ELAPOR2: variants seen among roughly 807,000 people sequenced by gnomAD.
The protein encoded by ELAPOR2 is endosome-lysosome associated apoptosis and autophagy regulator family member 2.
Under a neutral mutation model 120.7 loss-of-function variants are expected in ELAPOR2, and 89 were observed. The ratio of observed to expected loss-of-function variants is 0.74; its 90% CI spans 0.62 to 0.88. The LOEUF is 0.88. ELAPOR2 is among the 40% of genes least tolerant of loss of function. The pLI, the probability that ELAPOR2 is intolerant of heterozygous loss-of-function variation, is 0.00. For synonymous variants in ELAPOR2, 444 were observed against 444.9 expected, an observed-to-expected ratio of 1.00 and a Z score of 0.03; for missense variants, 1,134 against 1,251.6, an observed-to-expected ratio of 0.91 and a Z score of 1.42.
chr7:86,899,982 A>G (rs1009925450), intron 18 of ELAPOR2, among the ~76,000 whole-genome samples: 4 of 152,080 alleles, frequency 2.6e-5, no homozygotes, highest in Non-Finnish European at 4.4e-5. Context: ...AGATTAGTAA[A>G]AAGCAACTCA....
chr7:86,923,275 G>A (rs1789908235), intron 10 of ELAPOR2, among the ~76,000 whole-genome samples: 1 of 151,840 alleles, frequency 6.6e-6, no homozygotes, highest in South Asian at 2.1e-4. Context: ...GCTCAAAATA[G>A]CTAGAAGAAT....
At chr7:86,963,283 A>G (rs1791785554) in intron 2 of ELAPOR2, among the ~76,000 whole-genome samples, 1 of 152,210 alleles carries the variant, frequency 6.6e-6, no homozygotes, top group African/African-American at 2.4e-5. Context: ...GTATATAATG[A>G]GCAAAAATGT....
At chr7:86,979,934 A>G (rs913743019) in intron 1 of ELAPOR2, among the ~76,000 whole-genome samples, 2 of 152,222 alleles carry the variant, frequency 1.3e-5, no homozygotes, top group Admixed American at 1.3e-4. Flanking sequence ...CTAGAGACAG[A>G]AACTAAAAAT....
In ELAPOR2 at chr7:86,893,073, T is replaced by A. The variant is rs2115849952; in HGVS notation, c.2713A>T (p.Lys905Ter). The change falls in exon 20 of 22, where the codon AAA becomes TAA. Residue 905 changes from lysine (K) to a stop codon, truncating the protein, a stop_gained. Transcript: ENST00000450689. LOFTEE classifies it high-confidence loss of function. ...QETLYVWNEP[K>*]WCIKGISLPE... ...AAAGAAATTCCTTTAATGCACCATTTAGGTTCATTCCACACATACAAGGTT... is the reference window on the plus strand; with the variant it reads ...AAAGAAATTCCTTTAATGCACCATTAAGGTTCATTCCACACATACAAGGTT... 6.4e-7 allele frequency: 1 copy of A among 1,562,130 alleles called. No individual in the cohort carries two copies. The highest frequency in any genetic ancestry group is 2.4e-5 in the East Asian group (1 of 40,848).
At chr7:86,930,954 G>T (rs541851443) in intron 8 of ELAPOR2, among the ~76,000 whole-genome samples, 2 of 152,018 alleles carry the variant, frequency 1.3e-5, no homozygotes, top group South Asian at 2.1e-4. Flanking sequence ...TAGGCAAACT[G>T]CTCTGAAAAA....
chr7:87,052,776 C>CTTTTGTTTTGTTTTGTTTTGTTTTG (rs77194595), intron 1 of ELAPOR2, among the ~76,000 whole-genome samples: 7 of 146,994 alleles, frequency 4.8e-5, no homozygotes, highest in African/African-American at 1.6e-4. Context: ...GGTTTGTTTT[C>CTTTTGTTTTGTTTTGTTTTGTTTTG]TTTTGTTTTG....
intron 1 of ELAPOR2, among the ~76,000 whole-genome samples, chr7:86,989,678 G>A (rs1009918015): frequency 2.6e-5 from 4 of 152,130 alleles, no homozygotes; most frequent in Non-Finnish European, 5.9e-5. Flanking sequence ...CTGCGGCTGC[G>A]TCTTCGCCTC....
At chr7:86,917,291 T>A (rs1789612250) in intron 12 of ELAPOR2, among the ~76,000 whole-genome samples, 1 of 152,012 alleles carries the variant, frequency 6.6e-6, no homozygotes, top group Admixed American at 6.6e-5. Flanking sequence ...GTATGGGGCA[T>A]GCCTGTAAAT....
chr7:86,981,420 T>A (rs1228532988), intron 1 of ELAPOR2, among the ~76,000 whole-genome samples: 4 of 152,186 alleles, frequency 2.6e-5, no homozygotes, highest in Non-Finnish European at 5.9e-5. Flanking sequence ...CCCTCATGAA[T>A]CCACTAAACT....
chr7:86,970,711 G>T (rs1179987073), intron 1 of ELAPOR2, among the ~76,000 whole-genome samples: 1 of 152,088 alleles, frequency 6.6e-6, no homozygotes, highest in Non-Finnish European at 1.5e-5. Context: ...GAACTGTGCA[G>T]CAATATTTAT....
chr7:87,056,921 T>C (rs1795281570), intron 1 of ELAPOR2, among the ~76,000 whole-genome samples: 1 of 152,232 alleles, frequency 6.6e-6, no homozygotes, highest in African/African-American at 2.4e-5. Flanking sequence ...AGGTTCAAAA[T>C]GGCCTATAGC....
At chr7:86,969,049 T>G (rs1362334079) in intron 1 of ELAPOR2, among the ~76,000 whole-genome samples, 1 of 152,098 alleles carries the variant, frequency 6.6e-6, no homozygotes, top group African/African-American at 2.4e-5. Context: ...TCACAAAACA[T>G]GTAAGGAAAA....
intron 18 of ELAPOR2, among the ~76,000 whole-genome samples, chr7:86,905,122 G>GGAAT (rs1491409441): frequency 8.7e-6 from 1 of 115,300 alleles, no homozygotes; most frequent in Non-Finnish European, 1.8e-5. Flanking sequence ...AAGGAAGGAA[G>GGAAT]GAAGGAAAGA....
intron 1 of ELAPOR2, among the ~76,000 whole-genome samples, chr7:87,033,343 A>C (rs6953148): frequency 0.33 from 50,961 of 152,130 alleles, 9,080 homozygotes; most frequent in African/African-American, 0.45. Context: ...ATCGAAGATA[A>C]TTAACTGACA....
chr7:87,059,246 T>TA, intron 1 of ELAPOR2, 79 bp downstream of exon 1: 1 of 1,238,174 alleles, frequency 8.1e-7, no homozygotes, highest in Non-Finnish European at 1.0e-6. Context: ...CAAACAGAAA[T>TA]AAACAGGAAC....
chr7:86,982,323 G>C (rs183772515), intron 1 of ELAPOR2, among the ~76,000 whole-genome samples: 6 of 152,248 alleles, frequency 3.9e-5, no homozygotes, highest in Non-Finnish European at 5.9e-5. Context: ...TCCCAGCATG[G>C]TGTTTGAGCT....
chr7:86,963,267 C>T (rs574857609), intron 2 of ELAPOR2, among the ~76,000 whole-genome samples: 4 of 152,196 alleles, frequency 2.6e-5, no homozygotes, highest in South Asian at 2.1e-4. Context: ...TCTGTGGAAC[C>T]TTATAGTATA....
At chr7:86,972,604 T>G (rs1166599437) in intron 1 of ELAPOR2, among the ~76,000 whole-genome samples, 2 of 140,670 alleles carry the variant, frequency 1.4e-5, no homozygotes, top group East Asian at 2.0e-4. Context: ...AAGTTTTTTG[T>G]TTTTTTTTTT....
At chr7:86,968,285 G>C (rs764462141) in intron 1 of ELAPOR2, among the ~76,000 whole-genome samples, 3 of 152,080 alleles carry the variant, frequency 2.0e-5, no homozygotes, top group African/African-American at 4.8e-5. Context: ...ATTTTCAAAG[G>C]ATCATTTAAA....
Sources: allele counts gnomAD v4.1 joint callset (sites outside exome capture counted in the v4.1 genomes callset), GRCh38; gene constraint gnomAD v4.1.1; transcripts MANE v1.5; gene names NCBI Gene and HGNC (gene_info 2026-07-23, HGNC 2026-07-21).